Variants in SLC44A5 observed in about 807,000 individuals in gnomAD.
The protein encoded by SLC44A5 is solute carrier family 44 member 5, also known as choline transporter-like protein 5.
In SLC44A5, 57 loss-of-function variants were observed where a neutral mutation model predicts 101.8. The ratio of observed to expected loss-of-function variants is 0.56; its 90% confidence interval spans 0.45 to 0.70. The LOEUF (loss-of-function observed/expected upper bound fraction) is 0.70. SLC44A5 is among the 30% of genes least tolerant of loss of function. The probability of loss-of-function intolerance (pLI) is 0.00; values close to 1 mark genes in which losing one functional copy is unlikely to be tolerated. For synonymous variants in SLC44A5, 281 were observed against 290.9 expected, an observed-to-expected ratio of 0.97 and a Z score of 0.35; for missense variants, 737 against 853.1, an observed-to-expected ratio of 0.86 and a Z score of 1.70.
At chr1:75,220,942 CT>C (rs1190503822) in intron 14 of SLC44A5, among the ~76,000 whole-genome samples, 5 of 152,172 alleles carry the variant, frequency 3.3e-5, no homozygotes, top group Admixed American at 3.3e-4. Context: ...TTATTACCCC[CT>C]GAGCAAACTA....
chr1:75,311,608 G>A (rs769259553), intron 4 of SLC44A5: 6 of 980,616 alleles, frequency 6.1e-6, no homozygotes, highest in Non-Finnish European at 7.3e-6. Context: ...CATGATTAAT[G>A]AGGTACCTAT....
At chr1:75,676,004 A>C in the SLC44A5 span, among the ~76,000 whole-genome samples, 1 of 152,244 alleles carries the variant, frequency 6.6e-6, no homozygotes, top group Non-Finnish European at 1.5e-5. Flanking sequence ...ATGAGATATC[A>C]TCTCATGCCA....
the SLC44A5 span, among the ~76,000 whole-genome samples, chr1:75,633,172 C>T: frequency 6.6e-6 from 1 of 152,074 alleles, no homozygotes; most frequent in Non-Finnish European, 1.5e-5. Flanking sequence ...GCTCTTTGTT[C>T]TTTTGGCTTA....
intron 2 of SLC44A5, among the ~76,000 whole-genome samples, chr1:75,527,266 AAGTT>A (rs371046403): frequency 4.7e-5 from 7 of 148,498 alleles, no homozygotes; most frequent in African/African-American, 1.5e-4. Flanking sequence ...AAGAGAGAGA[AAGTT>A]AGAAAGGGAG....
intron 3 of SLC44A5, among the ~76,000 whole-genome samples, chr1:75,384,803 G>A (rs1004037917): frequency 2.0e-5 from 3 of 146,988 alleles, no homozygotes; most frequent in African/African-American, 7.6e-5. Context: ...CCACATACTT[G>A]GAAGTAAAGC....
At chr1:75,391,481 G>C (rs918701965) in intron 3 of SLC44A5, among the ~76,000 whole-genome samples, 4 of 152,038 alleles carry the variant, frequency 2.6e-5, no homozygotes, top group African/African-American at 9.7e-5. Context: ...ATACTATAAG[G>C]CTACAGTAAT....
the SLC44A5 span, among the ~76,000 whole-genome samples, chr1:75,672,367 G>A: frequency 1.6e-4 from 24 of 152,036 alleles, no homozygotes; most frequent in Non-Finnish European, 2.8e-4. Flanking sequence ...GCAACAAGGG[G>A]CAAAACTCAG....
the SLC44A5 span, among the ~76,000 whole-genome samples, chr1:75,698,083 T>C: frequency 6.6e-6 from 1 of 152,098 alleles, no homozygotes; most frequent in South Asian, 2.1e-4. Flanking sequence ...GAGAGGGGTG[T>C]CCGCCATTGC....
At chr1:75,632,768 C>T in the SLC44A5 span, among the ~76,000 whole-genome samples, 1 of 152,124 alleles carries the variant, frequency 6.6e-6, no homozygotes, top group Non-Finnish European at 1.5e-5. Context: ...TAAGTTAGTC[C>T]TTCTGCTTCT....
At chr1:75,525,977 T>C (rs1570526421) in intron 2 of SLC44A5, among the ~76,000 whole-genome samples, 1 of 150,410 alleles carries the variant, frequency 6.6e-6, no homozygotes, top group African/African-American at 2.5e-5. Flanking sequence ...AATGGAAAAA[T>C]ATCCAAAAAG....
At chr1:75,677,642 A>G in the SLC44A5 span, 3 of 384,094 alleles carry the variant, frequency 7.8e-6, no homozygotes, top group Non-Finnish European at 1.5e-5. Context: ...TATCAATAAT[A>G]ACTGAAAGTG....
At chr1:75,455,100 C>T (rs1397426758) in intron 2 of SLC44A5, among the ~76,000 whole-genome samples, 2 of 152,104 alleles carry the variant, frequency 1.3e-5, no homozygotes, top group Admixed American at 6.6e-5. Flanking sequence ...TCAGAAGCAT[C>T]ACATTACCAA....
At chr1:75,279,573 T>C (rs1326477025) in intron 5 of SLC44A5, among the ~76,000 whole-genome samples, 1 of 152,172 alleles carries the variant, frequency 6.6e-6, no homozygotes, top group Non-Finnish European at 1.5e-5. Flanking sequence ...TGAGTGTAGT[T>C]TACAATGCAG....
At chr1:75,255,681 A>G (rs1307307511) in intron 6 of SLC44A5, among the ~76,000 whole-genome samples, 1 of 152,150 alleles carries the variant, frequency 6.6e-6, no homozygotes, top group East Asian at 1.9e-4. Flanking sequence ...TAAAGGACTT[A>G]CTAAGGACTC....
chr1:75,238,418 T>G, intron 10 of SLC44A5, 95 bp downstream of exon 10: 1 of 376,572 alleles, frequency 2.7e-6, no homozygotes, highest in Non-Finnish European at 4.2e-6. Flanking sequence ...ATATATGTGA[T>G]TATTTTCCTA....
At chr1:75,425,567 TAGAC>T (rs36080022) in intron 2 of SLC44A5, among the ~76,000 whole-genome samples, 14,941 of 152,168 alleles carry the variant, frequency 0.098, 880 homozygotes, top group Admixed American at 0.19. Flanking sequence ...GGCTGTCAAA[TAGAC>T]AGGCCAACTT....
At chr1:75,535,351 T>C (rs1241150146) in intron 2 of SLC44A5, among the ~76,000 whole-genome samples, 3 of 152,106 alleles carry the variant, frequency 2.0e-5, no homozygotes, top group Non-Finnish European at 4.4e-5. Flanking sequence ...GCCACCACCC[T>C]GGGAGAAATG....
Position 75,275,006 on chromosome 1 carries a change from G to C in SLC44A5, c.212C>G (p.Pro71Arg). The C allele has an allele frequency of 1.2e-6, 2 of 1,612,978 alleles. No individual in the cohort carries two copies. The highest frequency in any genetic ancestry group is 2.2e-5 in the South Asian group (2 of 90,994). Residue 71 changes from proline to arginine, a missense_variant, in exon 6 of 24, where the codon CCT becomes CGT. Around this residue, in one of 3 missense-constraint regions of SLC44A5, gnomAD observed 665 missense variants for 764.4 expected, o/e 0.87. Coordinates refer to ENST00000370859, the MANE Select transcript of SLC44A5 (RefSeq NM_001130058.2). ...VHGDPRRAAY[P>R]TDSQGHFCGQ... ...ACAAAAGTGGCCCTGGCTGTCTGTAGGATAGGCTGCTCTTCTGGGGTCCCC... is the reference window on the plus strand; with the variant it reads ...ACAAAAGTGGCCCTGGCTGTCTGTACGATAGGCTGCTCTTCTGGGGTCCCC...
chr1:75,330,189 G>GTA (rs149894469), intron 4 of SLC44A5, among the ~76,000 whole-genome samples: 6 of 84,822 alleles, frequency 7.1e-5, no homozygotes, highest in South Asian at 4.2e-4. Context: ...ATATATATAC[G>GTA]TATATGCATA....
Sources: allele counts gnomAD v4.1 joint callset (sites outside exome capture counted in the v4.1 genomes callset), GRCh38; gene constraint gnomAD v4.1.1; regional missense constraint gnomAD v4.1.1; transcripts MANE v1.5; gene names NCBI Gene and HGNC (gene_info 2026-07-23, HGNC 2026-07-21).